CAMK4: variants seen among roughly 807,000 people sequenced by gnomAD.
CAMK4 encodes calcium/calmodulin dependent protein kinase IV, also known as calcium/calmodulin-dependent protein kinase type IV.
CAMK4 carries 22 observed loss-of-function variants against 44.9 expected under a neutral mutation model. The observed-to-expected ratio is 0.49, with a 90% CI of 0.35 to 0.70. The LOEUF is 0.70. CAMK4 is among the 30% of genes least tolerant of loss of function. The pLI, the probability that CAMK4 is intolerant of heterozygous loss-of-function variation, is 0.01. For missense variants in CAMK4, 498 were observed against 586.8 expected (o/e 0.85, Z 1.56); for synonymous variants, 218 against 215.4 (o/e 1.01, Z -0.11).
intron 5 of CAMK4, among the ~76,000 whole-genome samples, chr5:111,415,589 AGGTTTCAGTATTATCCAT>A (rs1344963647): frequency 1.3e-5 from 2 of 152,224 alleles, no homozygotes; most frequent in Non-Finnish European, 2.9e-5. Context: ...TAGCATATAT[AGGTTTCAGTATTATCCAT>A]GGTTTCAGGC....
chr5:111,292,582 TA>T (rs1747319721), intron 1 of CAMK4, among the ~76,000 whole-genome samples: 1 of 152,128 alleles, frequency 6.6e-6, no homozygotes, highest in Non-Finnish European at 1.5e-5. Flanking sequence ...GAGAAAAATC[TA>T]AGTCCTCCCT....
At chr5:111,411,317 G>T (rs1318133403) in intron 5 of CAMK4, among the ~76,000 whole-genome samples, 1 of 152,194 alleles carries the variant, frequency 6.6e-6, no homozygotes, top group Non-Finnish European at 1.5e-5. Flanking sequence ...GCAAAGCTTG[G>T]ACTTTAAGTC....
intron 10 of CAMK4, among the ~76,000 whole-genome samples, chr5:111,483,566 G>T (rs1043218229): frequency 6.6e-6 from 1 of 152,010 alleles, no homozygotes; most frequent in Non-Finnish European, 1.5e-5. Context: ...AATCTGAAAG[G>T]CTCCATGGTC....
chr5:111,270,240 A>C (rs1474112946), intron 1 of CAMK4, among the ~76,000 whole-genome samples: 2 of 152,212 alleles, frequency 1.3e-5, no homozygotes, highest in Admixed American at 6.5e-5. Context: ...AGTTGATATA[A>C]GTTCTGTTCT....
At position 111,449,138 on chromosome 5, in the gene CAMK4, G is replaced by C; in HGVS notation, c.560G>C (p.Gly187Ala). 1 of 1,537,422 alleles carries C rather than the reference G, an allele frequency of 6.5e-7. No homozygotes were observed. The highest frequency in any genetic ancestry group is 9.0e-7 in the Non-Finnish European group (1 of 1,114,080). The change falls in exon 7 of 11, where the codon GGA (glycine) becomes GCA (alanine). Residue 187 changes from glycine (G) to alanine (A), a missense_variant. Gly to Ala is a moderately conservative substitution (Grantham distance 60). Transcript: ENST00000282356. Reference sequence around the variant, plus strand: ...TTTCTTGTGTTATTAGCTGATTTTGGACTCTCTAAAATTGTGGAACATCAA... The same window carrying C: ...TTTCTTGTGTTATTAGCTGATTTTGCACTCTCTAAAATTGTGGAACATCAA... Reference protein sequence around the residue: ...PDAPLKIADFGLSKIVEHQVL... With the variant: ...PDAPLKIADFALSKIVEHQVL...
At position 111,394,857 on chromosome 5, in the gene CAMK4, C is replaced by T. The variant is rs866750991; in HGVS notation, c.459+75C>T. 96 of 950,604 alleles carry T rather than the reference C, an allele frequency of 1.0e-4. 1 individual carries two copies. Among genetic ancestry groups the T allele is most frequent in the Middle Eastern group, 8.6e-4 (4 of 4,670 alleles). The allele number at this position is 950,604 out of a possible 1,614,324, so 58.9% of individuals were successfully genotyped here. ...TTACAGAATCATCATTTAAGAAATG[C>T]GCATCTGTGATAAGCCATACATTTT... On this transcript the variant is annotated intron_variant, in intron 5 of 10. Transcript: ENST00000282356.
intron 5 of CAMK4, among the ~76,000 whole-genome samples, chr5:111,434,571 C>CAG (rs1180621839): frequency 6.6e-6 from 1 of 152,198 alleles, no homozygotes; most frequent in Admixed American, 6.5e-5. Context: ...CACAGCCAGA[C>CAG]AGTCCTAACC....
chr5:111,262,784 T>C (rs1750045939), intron 1 of CAMK4, among the ~76,000 whole-genome samples: 1 of 152,212 alleles, frequency 6.6e-6, no homozygotes, highest in African/African-American at 2.4e-5. Flanking sequence ...ACAATTTGTC[T>C]CCCAGGTTCT....
Position 111,252,255 on chromosome 5 carries a change from G to A in CAMK4, c.161+27611G>A, listed in dbSNP as rs1366177. Among the ~76,000 whole-genome samples, 310 of 152,302 alleles carry A rather than the reference G, an allele frequency of 2.0e-3. 1 individual carries two copies. The highest frequency in any genetic ancestry group is 7.3e-3 in the African/African-American group (302 of 41,560). ...GGCTTCTTCAGCTGACTTGAGTGGG[G>A]ACTCTGATTGTTGGCTGCTGTAGTA... On this transcript the variant is annotated intron_variant, in intron 1 of 10. Coordinates refer to ENST00000282356, the MANE Select transcript of CAMK4 (RefSeq NM_001744.6).
intron 2 of CAMK4, among the ~76,000 whole-genome samples, chr5:111,359,046 A>C (rs1158463662): frequency 6.6e-6 from 1 of 152,166 alleles, no homozygotes; most frequent in East Asian, 1.9e-4. Context: ...ATATGTGTGC[A>C]TGTATCTTTA....
rs139004418 is a variant in CAMK4, at chr5:111,486,542, C to CACACACACACACACACACATAT, written c.*2076_*2077insACACACACACACACACACATAT. The CACACACACACACACACACATAT allele has an allele frequency of 1.0e-4, 15 of 147,244 alleles. No homozygotes were observed. Among genetic ancestry groups the CACACACACACACACACACATAT allele is most frequent in the African/African-American group, 3.3e-4 (13 of 39,760 alleles). 9.1% of individuals were successfully genotyped at this position (147,244 alleles called of 1,614,324 possible). A position where few individuals can be genotyped will look rare whatever the true frequency, so the allele number is the denominator to read the frequency against. Reference sequence around the variant, plus strand: ...ACACACACACACACACACACACACACGTGTTGGAAGAGCAAAGAGAGGGAA... The same window carrying CACACACACACACACACACATAT: ...ACACACACACACACACACACACACACACACACACACACACACACATATGTGTTGGAAGAGCAAAGAGAGGGAA... On this transcript the variant is annotated 3_prime_UTR_variant, in exon 11 of 11. Transcript: ENST00000282356.
At chr5:111,366,837 A>G (rs1750811047) in intron 2 of CAMK4, among the ~76,000 whole-genome samples, 1 of 151,640 alleles carries the variant, frequency 6.6e-6, no homozygotes, top group African/African-American at 2.4e-5. Context: ...AACCTGTATA[A>G]TTTCTTTTAT....
At chr5:111,226,770 C>T (rs1275638020) in intron 1 of CAMK4, among the ~76,000 whole-genome samples, 2 of 152,300 alleles carry the variant, frequency 1.3e-5, no homozygotes, top group East Asian at 1.9e-4. Context: ...GGCTAATGGC[C>T]GGTGCCCAGC....
At chr5:111,232,480 A>G (rs79399556) in intron 1 of CAMK4, among the ~76,000 whole-genome samples, 5,744 of 152,230 alleles carry the variant, frequency 0.038, 170 homozygotes, top group Middle Eastern at 0.068. Flanking sequence ...AATTCAGGAT[A>G]TACATTTTTG....
rs558315135 is a variant in CAMK4, at chr5:111,490,634, T to A, written c.*6168T>A. ...ATATATATGACCATAAATTGAAAAC[T>A]ATCATCTCATACTGCCTCCTTTTAA... On this transcript the variant is annotated 3_prime_UTR_variant, in exon 11 of 11. Transcript: ENST00000282356. 1 of 152,260 alleles carries A rather than the reference T, an allele frequency of 6.6e-6. No individual in the cohort carries two copies. The highest frequency in any genetic ancestry group is 2.1e-4 in the South Asian group (1 of 4,822). 9.4% of individuals were successfully genotyped at this position (152,260 alleles called of 1,614,324 possible).
chr5:111,390,373 G>A (rs944833974), intron 4 of CAMK4, among the ~76,000 whole-genome samples: 2 of 151,922 alleles, frequency 1.3e-5, no homozygotes, highest in Admixed American at 6.6e-5. Flanking sequence ...GTTTTGTTCT[G>A]CTGCTTCTCA....
chr5:111,457,210 A>C (rs1754447163), intron 7 of CAMK4, among the ~76,000 whole-genome samples: 2 of 152,216 alleles, frequency 1.3e-5, no homozygotes, highest in African/African-American at 4.8e-5. Context: ...TAAAAGGATA[A>C]ATTTAAGAGT....
At chr5:111,310,128 GGGT>G (rs1399043048) in intron 1 of CAMK4, among the ~76,000 whole-genome samples, 1 of 151,820 alleles carries the variant, frequency 6.6e-6, no homozygotes, top group Non-Finnish European at 1.5e-5. Context: ...CTCGTTTTGG[GGGT>G]AGAGTTGACT....
intron 1 of CAMK4, among the ~76,000 whole-genome samples, chr5:111,275,682 G>A (rs1032849124): frequency 6.6e-6 from 1 of 152,060 alleles, no homozygotes; most frequent in Non-Finnish European, 1.5e-5. Flanking sequence ...CAAAAATATG[G>A]TTAGATAGAA....
Sources: gnomAD v4.1 joint callset for allele counts (sites outside exome capture counted in the v4.1 genomes callset) on GRCh38, gnomAD v4.1.1 for gene constraint, MANE v1.5 for transcripts, NCBI Gene and HGNC (gene_info 2026-07-23, HGNC 2026-07-21) for gene names.